The following ADAM18 variants were observed in gnomAD, a reference collection of about 807,000 sequenced individuals.
ADAM18 encodes the protein disintegrin and metalloproteinase domain-containing protein 18.
A neutral mutation model predicts 94.4 loss-of-function variants in ADAM18; 117 were observed. The ratio of observed to expected loss-of-function variants is 1.24; its 90% CI spans 1.07 to 1.45. ADAM18 has a LOEUF of 1.45. Ranked by LOEUF, ADAM18 falls within the 40% of genes most tolerant of loss-of-function variation. The pLI, the probability that ADAM18 is intolerant of heterozygous loss-of-function variation, is 0.00. For synonymous variants in ADAM18, 327 were observed against 291.6 expected (o/e 1.12, Z -1.24); for missense variants, 936 against 880.0 (o/e 1.06, Z -0.81).
chr8:39,634,586 A>G (rs183416128), intron 7 of ADAM18, among the ~76,000 whole-genome samples: 1 of 152,154 alleles, frequency 6.6e-6, no homozygotes, highest in East Asian at 1.9e-4. Flanking sequence ...AAGATTTAAT[A>G]TTGTTTGCTC....
intron 16 of ADAM18, among the ~76,000 whole-genome samples, chr8:39,680,949 C>A (rs1022861733): frequency 6.6e-6 from 1 of 152,160 alleles, no homozygotes; most frequent in Non-Finnish European, 1.5e-5. Flanking sequence ...GTGTCAGCAA[C>A]CCTAATCCCT....
Position 39,663,824 on chromosome 8 carries a change from T to C in ADAM18, c.1260T>C (p.Tyr420=). Residue 420 remains tyrosine, a synonymous_variant, in exon 13 of 20, where the codon TAT becomes TAC. Transcript: ENST00000265707. The part of the protein sequence containing the change: ...NECQFKKCCD[Y]NTCKLKGSVK... ...GTCAATTTAAGAAGTGCTGTGATTA[T>C]AACACATGTAAACTGAAGGGCTCAG... The C allele has an allele frequency of 6.2e-7, 1 of 1,612,744 alleles. No homozygotes were observed. The highest frequency in any genetic ancestry group is 1.1e-5 in the South Asian group (1 of 90,666).
At chr8:39,721,541 A>G (rs1288435625) in intron 18 of ADAM18, among the ~76,000 whole-genome samples, 1 of 151,562 alleles carries the variant, frequency 6.6e-6, no homozygotes, top group Non-Finnish European at 1.5e-5. Flanking sequence ...TCCAGAGTCT[A>G]TAAGGAACTA....
intron 16 of ADAM18, among the ~76,000 whole-genome samples, chr8:39,684,564 T>G (rs769255335): frequency 6.6e-6 from 1 of 152,114 alleles, no homozygotes; most frequent in Non-Finnish European, 1.5e-5. Context: ...GGGGCTCTCT[T>G]AGGCTAGAGT....
In ADAM18 at chr8:39,706,646, T is replaced by C. The variant is rs543203964; in HGVS notation, c.1903-144T>C. On this transcript the variant is annotated intron_variant, in intron 17 of 19. Transcript: ENST00000265707. ...AAAATTTTTACCACTTTTTCTAACC[T>C]ATTTCTCACATTATATAGTCATAAT... The C allele has an allele frequency of 6.8e-6, 3 of 440,308 alleles. No homozygotes were observed. In the East Asian group the frequency reaches 1.0e-4, roughly 15 times the overall value. 27.3% of individuals were successfully genotyped at this position (440,308 alleles called of 1,614,324 possible).
chr8:39,684,389 T>C (rs1821552298), intron 16 of ADAM18, among the ~76,000 whole-genome samples: 1 of 152,190 alleles, frequency 6.6e-6, no homozygotes, highest in Non-Finnish European at 1.5e-5. Context: ...GTTAACTATA[T>C]AAACTGTGAC....
chr8:39,695,273 A>T (rs907227827), intron 17 of ADAM18, among the ~76,000 whole-genome samples: 1 of 151,596 alleles, frequency 6.6e-6, no homozygotes, highest in African/African-American at 2.4e-5. Flanking sequence ...ACTGAGTCAT[A>T]TAATAGCAGC....
At chr8:39,628,416 A>AATAGATAGATAG (rs10689403) in intron 6 of ADAM18, among the ~76,000 whole-genome samples, 238 of 148,290 alleles carry the variant, frequency 1.6e-3, no homozygotes, top group Middle Eastern at 3.5e-3. Context: ...CTGATAGATC[A>AATAGATAGATAG]ATAGATAGAT....
intron 13 of ADAM18, 75 bp from the exon 14 acceptor site, chr8:39,667,923 G>T: frequency 7.1e-7 from 1 of 1,416,758 alleles, no homozygotes. Flanking sequence ...AACATTTTAT[G>T]TGATAAATCT....
chr8:39,701,103 G>T (rs1308508806), intron 17 of ADAM18, among the ~76,000 whole-genome samples: 1 of 65,418 alleles, frequency 1.5e-5, no homozygotes, highest in Admixed American at 2.8e-4. Flanking sequence ...GGGCGACAGA[G>T]CAAGACTCTG....
chr8:39,717,594 C>T (rs1822617047), intron 18 of ADAM18, among the ~76,000 whole-genome samples: 2 of 151,558 alleles, frequency 1.3e-5, no homozygotes, highest in African/African-American at 4.8e-5. Context: ...TATCTTACAC[C>T]ATACATACAG....
chr8:39,704,054 A>C (rs1389739477), intron 17 of ADAM18, among the ~76,000 whole-genome samples: 1 of 152,156 alleles, frequency 6.6e-6, no homozygotes, highest in African/African-American at 2.4e-5. Flanking sequence ...AAGCTCTGAA[A>C]TTGGGGCAGT....
intron 15 of ADAM18, among the ~76,000 whole-genome samples, chr8:39,679,764 A>AT (rs1563303764): frequency 1.3e-5 from 2 of 152,184 alleles, no homozygotes; most frequent in African/African-American, 4.8e-5. Flanking sequence ...TAAAATATGA[A>AT]CGGTCTAAGA....
chr8:39,701,079 C>T (rs1585994890), intron 17 of ADAM18, among the ~76,000 whole-genome samples: 1 of 116,314 alleles, frequency 8.6e-6, no homozygotes, highest in Admixed American at 1.2e-4. Flanking sequence ...GATCCCGCCA[C>T]TGCACTCCAG....
chr8:39,606,600 A>T (rs2129578351), intron 3 of ADAM18, among the ~76,000 whole-genome samples: 1 of 152,270 alleles, frequency 6.6e-6, no homozygotes, highest in East Asian at 1.9e-4. Context: ...TACTTGTAAA[A>T]TCTCAAATTG....
Position 39,610,627 on chromosome 8 carries a change from C to T in ADAM18, c.443C>T (p.Pro148Leu), listed in dbSNP as rs1401390260. 2.5e-6 allele frequency: 4 copies of T among 1,612,646 alleles called. No homozygotes were observed. The highest frequency in any genetic ancestry group is 3.4e-6 in the Non-Finnish European group (4 of 1,179,146). ...ATTTATCAAATGAAAAATAATGATCCAAATGTATCCATTTTAGCAGTAAAT... is the reference window on the plus strand; with the variant it reads ...ATTTATCAAATGAAAAATAATGATCTAAATGTATCCATTTTAGCAGTAAAT... ...HIIYQMKNND[P>L]NVSILAVNYS... Residue 148 changes from proline to leucine, a missense_variant, in exon 6 of 20, where the codon CCA (proline) becomes CTA (leucine). Transcript: ENST00000265707.
At chr8:39,645,285 A>G (rs1820347207) in intron 10 of ADAM18, 53 bp from the exon 11 acceptor site, 4 of 1,455,412 alleles carry the variant, frequency 2.7e-6, no homozygotes, top group Non-Finnish European at 1.9e-6. Flanking sequence ...ATTTCAAGTT[A>G]TTACTTTTAT....
chr8:39,712,479 A>G (rs922462064), intron 18 of ADAM18, among the ~76,000 whole-genome samples: 76 of 152,204 alleles, frequency 5.0e-4, no homozygotes, highest in African/African-American at 1.8e-3. Context: ...AGGGTATTCA[A>G]TTAGGGAAAG....
chr8:39,612,415 A>G (rs1819306354), intron 6 of ADAM18, among the ~76,000 whole-genome samples: 1 of 152,106 alleles, frequency 6.6e-6, no homozygotes, highest in South Asian at 2.1e-4. Context: ...CACTCTCACT[A>G]TAAAAACCTC....
Sources: allele counts gnomAD v4.1 joint callset (sites outside exome capture counted in the v4.1 genomes callset), GRCh38; gene constraint gnomAD v4.1.1; transcripts MANE v1.5; gene names NCBI Gene and HGNC (gene_info 2026-07-23, HGNC 2026-07-21).